Variants in NRG1 observed in about 807,000 individuals in gnomAD.
NRG1 encodes pro-neuregulin-1, membrane-bound isoform.
A neutral mutation model predicts 63.8 loss-of-function variants in NRG1; 18 were observed. The ratio of observed to expected loss-of-function variants is 0.28; its 90% CI spans 0.19 to 0.42. The LOEUF (loss-of-function observed/expected upper bound fraction) is 0.42, where lower values mean the gene tolerates loss of function less well. Among genes scored for constraint, NRG1 ranks in the 10% least tolerant of loss-of-function variants. NRG1 has a pLI of 1.00. For missense variants in NRG1, 762 were observed against 814.7 expected, an observed-to-expected ratio of 0.94 and a Z score of 0.79; for synonymous variants, 302 against 301.3, an observed-to-expected ratio of 1.00 and a Z score of -0.02.
intron 1 of NRG1, among the ~76,000 whole-genome samples, chr8:32,506,725 A>G (rs749788933): frequency 5.3e-5 from 8 of 151,570 alleles, no homozygotes; most frequent in Non-Finnish European, 1.2e-4. Context: ...ATGTGGGGGG[A>G]TCTTTTTGAC....
chr8:32,129,897 A>G (rs1834581871), intron 1 of NRG1, among the ~76,000 whole-genome samples: 1 of 151,978 alleles, frequency 6.6e-6, no homozygotes, highest in Non-Finnish European at 1.5e-5. Flanking sequence ...AAAGCACTTT[A>G]AAGACATCTG....
At chr8:32,662,806 T>G (rs1040672591) in intron 5 of NRG1, among the ~76,000 whole-genome samples, 1 of 152,186 alleles carries the variant, frequency 6.6e-6, no homozygotes, top group Non-Finnish European at 1.5e-5. Flanking sequence ...CCAACTGAGA[T>G]GGAGATGATC....
chr8:32,250,749 A>G (rs868843190), intron 1 of NRG1, among the ~76,000 whole-genome samples: 5 of 151,844 alleles, frequency 3.3e-5, no homozygotes, highest in African/African-American at 9.7e-5. Context: ...TTTTTTTCAC[A>G]CAAGTATATG....
intron 1 of NRG1, among the ~76,000 whole-genome samples, chr8:32,221,701 G>A (rs941896975): frequency 6.6e-6 from 1 of 152,082 alleles, no homozygotes; most frequent in African/African-American, 2.4e-5. Flanking sequence ...ATTGGGTACT[G>A]ATTATGGGAC....
At chr8:32,608,905 C>T (rs1845807976) in intron 3 of NRG1, among the ~76,000 whole-genome samples, 1 of 152,138 alleles carries the variant, frequency 6.6e-6, no homozygotes, top group Admixed American at 6.5e-5. Context: ...ATGATTGTTT[C>T]CTTGGTTCCC....
chr8:32,721,412 C>T (rs777388596), intron 5 of NRG1, among the ~76,000 whole-genome samples: 8 of 152,148 alleles, frequency 5.3e-5, no homozygotes, highest in Non-Finnish European at 8.8e-5. Flanking sequence ...CCTCTAAGTG[C>T]TCCCAGCGTA....
At chr8:32,292,872 A>G (rs7842287) in intron 1 of NRG1, among the ~76,000 whole-genome samples, 42,461 of 152,022 alleles carry the variant, frequency 0.28, 6,482 homozygotes, top group African/African-American at 0.41. Flanking sequence ...TTGGGAGGCC[A>G]AGGCAGGCTG....
At chr8:32,279,604 G>T (rs187511485) in intron 1 of NRG1, among the ~76,000 whole-genome samples, 46 of 152,288 alleles carry the variant, frequency 3.0e-4, no homozygotes, top group African/African-American at 1.1e-3. Flanking sequence ...ACCCACCTTG[G>T]CCTCCGAAAG....
chr8:32,529,677 C>G (rs1236803182), intron 1 of NRG1, among the ~76,000 whole-genome samples: 1 of 152,118 alleles, frequency 6.6e-6, no homozygotes, highest in East Asian at 1.9e-4. Context: ...CACACACACA[C>G]ATTATCCTAG....
intron 6 of NRG1, 137 bp downstream of exon 6, chr8:32,728,215 TTTTA>T: frequency 6.8e-7 from 1 of 1,472,694 alleles, no homozygotes. Context: ...ATGTAGAGTG[TTTTA>T]AAACATTCAC....
chr8:32,756,204 C>G (rs1328407352), intron 8 of NRG1, among the ~76,000 whole-genome samples, 199 bp from the exon 9 acceptor site: 3 of 151,916 alleles, frequency 2.0e-5, no homozygotes, highest in Non-Finnish European at 4.4e-5. Flanking sequence ...ATAAGAATCC[C>G]AGGTGGCTTT....
intron 1 of NRG1, among the ~76,000 whole-genome samples, chr8:32,348,487 A>G (rs755453820): frequency 1.3e-5 from 2 of 152,252 alleles, no homozygotes; most frequent in Non-Finnish European, 2.9e-5. Flanking sequence ...ATTTTCCTGC[A>G]CTGTGCATGA....
intron 5 of NRG1, among the ~76,000 whole-genome samples, chr8:32,710,788 G>T (rs1951226936): frequency 6.6e-6 from 1 of 151,980 alleles, no homozygotes. Context: ...CTAGTGTTTA[G>T]GAAAGCTTAA....
intron 1 of NRG1, among the ~76,000 whole-genome samples, chr8:32,383,749 C>A (rs982568663): frequency 2.0e-5 from 3 of 152,178 alleles, no homozygotes; most frequent in Admixed American, 6.5e-5. Flanking sequence ...TATCAGTCTG[C>A]AGAATCATCT....
chr8:32,286,817 T>A (rs773052400), intron 1 of NRG1, among the ~76,000 whole-genome samples: 8 of 152,080 alleles, frequency 5.3e-5, no homozygotes, highest in Non-Finnish European at 1.2e-4. Context: ...GCCAACCTGG[T>A]GAAACCCTGT....
chr8:32,034,367 A>C (rs531494483), intron 1 of NRG1, among the ~76,000 whole-genome samples: 1 of 152,042 alleles, frequency 6.6e-6, no homozygotes, highest in East Asian at 1.9e-4. Context: ...TTTTATTGAA[A>C]ATTTTTGCAT....
chr8:31,852,244 A>C (rs1178672891), intron 1 of NRG1, among the ~76,000 whole-genome samples: 1 of 152,040 alleles, frequency 6.6e-6, no homozygotes, highest in East Asian at 1.9e-4. Flanking sequence ...AATTGTTCCT[A>C]TTTCTCCACA....
intron 1 of NRG1, among the ~76,000 whole-genome samples, chr8:32,038,943 T>G (rs1256312354): frequency 2.6e-5 from 4 of 151,964 alleles, no homozygotes; most frequent in Non-Finnish European, 5.9e-5. Flanking sequence ...ATCTGTATCC[T>G]CTCAGAAAAA....
At chr8:31,978,856 T>A (rs144949191) in intron 1 of NRG1, among the ~76,000 whole-genome samples, 1 of 152,290 alleles carries the variant, frequency 6.6e-6, no homozygotes, top group East Asian at 1.9e-4. Flanking sequence ...ATCATATAGT[T>A]CAAATTTCAT....
Sources: gnomAD v4.1 joint callset for allele counts (sites outside exome capture counted in the v4.1 genomes callset) on GRCh38, gnomAD v4.1.1 for gene constraint, MANE v1.5 for transcripts, NCBI Gene and HGNC (gene_info 2026-07-23, HGNC 2026-07-21) for gene names.